TBC1D1: variants seen among roughly 807,000 people sequenced by gnomAD.
The protein encoded by TBC1D1 is TBC1 domain family member 1.
TBC1D1 carries 89 observed loss-of-function variants against 125.6 expected under a neutral mutation model. That is an observed-to-expected ratio of 0.71 (90% CI 0.60 to 0.85). The LOEUF is 0.85. Among genes scored for constraint, TBC1D1 ranks in the 40% least tolerant of loss-of-function variants. The pLI is 0.00. For missense variants in TBC1D1, 1,377 were observed against 1,469.2 expected, an observed-to-expected ratio of 0.94 and a Z score of 1.03; for synonymous variants, 565 against 564.1, an observed-to-expected ratio of 1.00 and a Z score of -0.02.
Position 38,049,784 on chromosome 4 carries a change from A to C in TBC1D1, c.1796A>C (p.His599Pro), listed in dbSNP as rs1036215727. 1.5e-5 allele frequency: 25 copies of C among 1,614,070 alleles called. No individual in the cohort carries two copies. Among genetic ancestry groups the C allele is most frequent in the Non-Finnish European group, 2.1e-5 (25 of 1,179,982 alleles). Residue 599 changes from histidine to proline, a missense_variant, in exon 11 of 20, where the codon CAC (histidine) becomes CCC (proline). Physicochemically the swap from His to Pro is moderately conservative, Grantham distance 77. This residue lies in a region of TBC1D1 where 822 missense variants were observed against 824.6 expected (regional missense o/e 1.00). Coordinates refer to ENST00000261439, the MANE Select transcript of TBC1D1 (RefSeq NM_015173.4). ...AGGAGGCGAGCAAACACCCTGAGTC[A>C]CTTCCCCATCGAATGCCAGGAACCT...
intron 2 of TBC1D1, among the ~76,000 whole-genome samples, chr4:37,982,975 A>T (rs979712145): frequency 1.3e-5 from 2 of 152,062 alleles, no homozygotes; most frequent in Non-Finnish European, 2.9e-5. Context: ...CACTCACAGG[A>T]GGTTGGTGGG....
chr4:38,079,715 C>T (rs1443547122), intron 12 of TBC1D1, among the ~76,000 whole-genome samples: 2 of 148,252 alleles, frequency 1.3e-5, no homozygotes, highest in East Asian at 2.0e-4. Context: ...GCAACAAGAG[C>T]GAGACTCCAT....
At chr4:37,936,843 A>C (rs1724502315) in intron 2 of TBC1D1, among the ~76,000 whole-genome samples, 1 of 152,226 alleles carries the variant, frequency 6.6e-6, no homozygotes, top group Non-Finnish European at 1.5e-5. Flanking sequence ...CATAGTAAGC[A>C]GCTAATACTT....
chr4:38,121,065 A>G (rs1353461454), intron 17 of TBC1D1, among the ~76,000 whole-genome samples: 3 of 152,236 alleles, frequency 2.0e-5, no homozygotes, highest in Non-Finnish European at 2.9e-5. Flanking sequence ...TTCTGTGGCC[A>G]GGAAAATCTC....
intron 12 of TBC1D1, among the ~76,000 whole-genome samples, chr4:38,058,486 G>A (rs1039129456): frequency 3.9e-5 from 6 of 152,124 alleles, no homozygotes; most frequent in Admixed American, 3.3e-4. Context: ...GCCTGCAGCC[G>A]CTGGACTCAC....
intron 4 of TBC1D1, among the ~76,000 whole-genome samples, chr4:38,019,025 A>G (rs1324596902): frequency 1.3e-5 from 2 of 152,186 alleles, no homozygotes; most frequent in African/African-American, 4.8e-5. Flanking sequence ...ATCTCAGAGT[A>G]CAGTGTCTAC....
At chr4:37,963,525 T>C (rs182456709) in intron 2 of TBC1D1, among the ~76,000 whole-genome samples, 2 of 152,134 alleles carry the variant, frequency 1.3e-5, no homozygotes, top group Non-Finnish European at 2.9e-5. Flanking sequence ...TGGTGGCACA[T>C]GCCTGTAACC....
intron 2 of TBC1D1, among the ~76,000 whole-genome samples, chr4:38,011,746 T>C (rs891140948): frequency 2.6e-5 from 4 of 152,200 alleles, no homozygotes; most frequent in African/African-American, 9.7e-5. Context: ...GGTCTTTGAC[T>C]AAAGTGTGTC....
chr4:38,082,218 C>T (rs1046766350), intron 12 of TBC1D1, among the ~76,000 whole-genome samples: 6 of 152,088 alleles, frequency 3.9e-5, no homozygotes, highest in South Asian at 4.1e-4. Context: ...AAAATAAGGG[C>T]GGGGTGGCGA....
intron 7 of TBC1D1, among the ~76,000 whole-genome samples, chr4:38,034,915 GTGCACCATCCTCACT>G (rs1375619224): frequency 1.3e-5 from 2 of 152,136 alleles, no homozygotes; most frequent in Non-Finnish European, 1.5e-5. Flanking sequence ...AGTTTCCTCT[GTGCACCATCCTCACT>G]TCAGCAGACA....
At chr4:38,080,429 C>A (rs947309838) in intron 12 of TBC1D1, among the ~76,000 whole-genome samples, 5 of 152,178 alleles carry the variant, frequency 3.3e-5, no homozygotes, top group Non-Finnish European at 7.4e-5. Flanking sequence ...AGGATGGTGG[C>A]CTTGCCCAGC....
chr4:38,055,402 C>A (rs1263612761), intron 12 of TBC1D1, among the ~76,000 whole-genome samples: 2 of 152,204 alleles, frequency 1.3e-5, no homozygotes, highest in African/African-American at 4.8e-5. Flanking sequence ...ATGCCTGTTG[C>A]CACACTGATA....
chr4:38,109,860 A>G (rs1761942695), intron 15 of TBC1D1, among the ~76,000 whole-genome samples: 1 of 152,242 alleles, frequency 6.6e-6, no homozygotes, highest in South Asian at 2.1e-4. Flanking sequence ...GATTCTGCTC[A>G]GAGCTAAATG....
intron 2 of TBC1D1, among the ~76,000 whole-genome samples, chr4:37,955,197 T>TA (rs1728691456): frequency 6.6e-6 from 1 of 152,018 alleles, no homozygotes. Flanking sequence ...CTATAAAAAG[T>TA]AAAAAAAGAA....
At chr4:37,972,183 T>C (rs1194924326) in intron 2 of TBC1D1, among the ~76,000 whole-genome samples, 1 of 151,970 alleles carries the variant, frequency 6.6e-6, no homozygotes, top group Non-Finnish European at 1.5e-5. Context: ...TTGGAGATGT[T>C]AAAAATTACT....
intron 7 of TBC1D1, among the ~76,000 whole-genome samples, chr4:38,033,951 T>G (rs139962714): frequency 6.6e-6 from 1 of 152,392 alleles, no homozygotes; most frequent in East Asian, 1.9e-4. Flanking sequence ...GATGCACATC[T>G]TAGTTGCTTC....
At chr4:38,023,372 A>C (rs1744456204) in intron 6 of TBC1D1, among the ~76,000 whole-genome samples, 1 of 152,242 alleles carries the variant, frequency 6.6e-6, no homozygotes, top group African/African-American at 2.4e-5. Flanking sequence ...TTACCATCGT[A>C]ACCTTTTTGT....
intron 15 of TBC1D1, among the ~76,000 whole-genome samples, chr4:38,109,198 A>G (rs1055013449): frequency 4.6e-5 from 7 of 152,210 alleles, no homozygotes; most frequent in Non-Finnish European, 8.8e-5. Context: ...ACGTTGCTGT[A>G]TGGAGGTCAG....
At chr4:37,892,575 CCAGCCATTTG>C in intron 1 of TBC1D1, among the ~76,000 whole-genome samples, 1 of 127,728 alleles carries the variant, frequency 7.8e-6, no homozygotes, top group South Asian at 2.3e-4. Flanking sequence ...GTGGATTTGT[CCAGCCATTTG>C]CAAACCAGGA....
Sources: allele counts gnomAD v4.1 joint callset (sites outside exome capture counted in the v4.1 genomes callset), GRCh38; gene constraint gnomAD v4.1.1; regional missense constraint gnomAD v4.1.1; transcripts MANE v1.5; gene names NCBI Gene and HGNC (gene_info 2026-07-23, HGNC 2026-07-21).